The following ARHGAP22 variants were observed in gnomAD, a reference collection of about 807,000 sequenced individuals.
The protein encoded by ARHGAP22 is rho GTPase-activating protein 22.
ARHGAP22 carries 48 observed loss-of-function variants against 59.1 expected under a neutral mutation model. The observed-to-expected ratio is 0.81, with a 90% CI of 0.64 to 1.03. The LOEUF (loss-of-function observed/expected upper bound fraction) is 1.03. Ranked by LOEUF, ARHGAP22 falls within the 50% of genes least tolerant of loss-of-function variation. ARHGAP22 has a pLI of 0.00. For missense variants in ARHGAP22, 1,015 were observed against 958.7 expected (o/e 1.06, Z -0.78); for synonymous variants, 445 against 416.4 (o/e 1.07, Z -0.84).
intron 1 of ARHGAP22, among the ~76,000 whole-genome samples, chr10:48,636,137 G>A (rs371003409): frequency 7.9e-5 from 12 of 152,350 alleles, no homozygotes; most frequent in Non-Finnish European, 1.5e-4. Context: ...CCAGGTGCAG[G>A]TGAACATCCT....
intron 3 of ARHGAP22, among the ~76,000 whole-genome samples, chr10:48,546,936 C>T (rs1207080671): frequency 6.6e-6 from 1 of 152,194 alleles, no homozygotes; most frequent in African/African-American, 2.4e-5. Context: ...TGGCAATATT[C>T]TCACCCCCAG....
chr10:48,618,364 T>C (rs563901010), intron 1 of ARHGAP22, among the ~76,000 whole-genome samples: 1 of 152,074 alleles, frequency 6.6e-6, no homozygotes, highest in Non-Finnish European at 1.5e-5. Flanking sequence ...TATACCCTGA[T>C]GCCCAAACCA....
At position 48,464,693 on chromosome 10, in the gene ARHGAP22, C is replaced by G. The variant is rs559164357; in HGVS notation, c.452-4802G>C. Among the ~76,000 whole-genome samples, 18 of 152,334 alleles carry G rather than the reference C, an allele frequency of 1.2e-4. No individual in the cohort carries two copies. In the South Asian group the frequency reaches 3.5e-3, roughly 30 times the overall value. On this transcript the variant is annotated intron_variant, in intron 4 of 9. Coordinates refer to ENST00000249601, the MANE Select transcript of ARHGAP22 (RefSeq NM_021226.4). ...CAAAGATTCTGGGTCTGCACCAGCA[C>G]TGGTCTGGTGGACGTCCTGGCTAAC... is the stretch of plus-strand genomic sequence containing the variant.
intron 1 of ARHGAP22, among the ~76,000 whole-genome samples, chr10:48,640,474 C>T (rs182199048): frequency 6.6e-6 from 1 of 152,062 alleles, no homozygotes; most frequent in Admixed American, 6.5e-5. Flanking sequence ...CTTGAAGTAG[C>T]AAAAGAAAAA....
At chr10:48,495,936 C>T (rs1184639155) in intron 3 of ARHGAP22, among the ~76,000 whole-genome samples, 1 of 152,056 alleles carries the variant, frequency 6.6e-6, no homozygotes, top group East Asian at 1.9e-4. Context: ...GTCCAGCAGC[C>T]CTCAAGGGAC....
At chr10:48,492,403 G>A (rs2050490462) in intron 3 of ARHGAP22, among the ~76,000 whole-genome samples, 1 of 152,212 alleles carries the variant, frequency 6.6e-6, no homozygotes, top group South Asian at 2.1e-4. Flanking sequence ...CAGGGGTGAA[G>A]GCCAAGTGTC....
At chr10:48,510,475 CT>C (rs1367682284) in intron 3 of ARHGAP22, 27 of 152,092 alleles carry the variant, frequency 1.8e-4, no homozygotes, top group African/African-American at 6.3e-4. Context: ...GACCCCACCC[CT>C]GGCACATTCT....
chr10:48,613,293 T>A (rs78794897), intron 1 of ARHGAP22, among the ~76,000 whole-genome samples: 2,651 of 152,326 alleles, frequency 0.017, 54 homozygotes, highest in South Asian at 0.074. Flanking sequence ...TGGAGGTCAC[T>A]GATGAGCATC....
chr10:48,584,524 A>T (rs896583666), intron 1 of ARHGAP22, among the ~76,000 whole-genome samples: 5 of 151,954 alleles, frequency 3.3e-5, no homozygotes, highest in Non-Finnish European at 7.4e-5. Context: ...TCTTTCTGCC[A>T]CTCTGGACTG....
intron 1 of ARHGAP22, among the ~76,000 whole-genome samples, chr10:48,604,542 A>C (rs1191731741): frequency 6.6e-6 from 1 of 152,244 alleles, no homozygotes; most frequent in Admixed American, 6.5e-5. Flanking sequence ...TGGGGCACTA[A>C]GCCGGCCACC....
At chr10:48,478,515 G>A (rs2048957645) in intron 4 of ARHGAP22, among the ~76,000 whole-genome samples, 1 of 152,204 alleles carries the variant, frequency 6.6e-6, no homozygotes, top group Admixed American at 6.5e-5. Flanking sequence ...GTGAGTCCCT[G>A]CCCAGACTGT....
chr10:48,605,868 A>G (rs1208796926), upstream of ARHGAP22, among the ~76,000 whole-genome samples: 2 of 152,120 alleles, frequency 1.3e-5, no homozygotes, highest in Non-Finnish European at 2.9e-5. Context: ...GCCCAAAGTC[A>G]TACAGTACCG....
rs34557935 is a variant in ARHGAP22 at position 48,577,801 on chromosome 10, G to GTT, written c.234+5150_234+5151dup. Among the ~76,000 whole-genome samples, 107 of 59,172 alleles carry GTT rather than the reference G, an allele frequency of 1.8e-3. 8 individuals are homozygous for GTT. Among genetic ancestry groups the GTT allele is most frequent in the Non-Finnish European group, 2.2e-3 (76 of 34,252 alleles). The allele number at this position is 59,172 out of a possible 152,430, so 38.8% of individuals were successfully genotyped here. ...TCTGAGATCTAACTGCTCTTTTTTG[G>GTT]TTTTTTTTTTTTTTTTTTTTTTTTT... On this transcript the variant is annotated intron_variant, in intron 2 of 9. Transcript: ENST00000249601.
chr10:48,446,913 G>T (rs2045410405), intron 9 of ARHGAP22, among the ~76,000 whole-genome samples: 1 of 152,182 alleles, frequency 6.6e-6, no homozygotes, highest in Non-Finnish European at 1.5e-5. Context: ...GTGCAGTATG[G>T]GATCCCTGCC....
intron 3 of ARHGAP22, among the ~76,000 whole-genome samples, chr10:48,508,234 T>C (rs887582711): frequency 3.3e-5 from 5 of 152,214 alleles, no homozygotes; most frequent in Admixed American, 2.6e-4. Context: ...CCATCAAAGG[T>C]CACTTTTCCT....
intron 2 of ARHGAP22, among the ~76,000 whole-genome samples, chr10:48,558,870 C>T (rs1240237550): frequency 1.3e-5 from 2 of 152,216 alleles, no homozygotes; most frequent in Non-Finnish European, 2.9e-5. Context: ...ACACCTTTTA[C>T]ATGAGCTCAC....
chr10:48,459,920 CT>C, intron 4 of ARHGAP22, 29 bp from the exon 5 acceptor site: 1 of 1,600,584 alleles, frequency 6.2e-7, no homozygotes, highest in Non-Finnish European at 8.5e-7. Flanking sequence ...TAGTCACACC[CT>C]CCACCACCCA....
Position 48,583,661 on chromosome 10 carries a change from G to T in ARHGAP22, c.35-509C>A, listed in dbSNP as rs571587946. ...GGATCCTCCTGGAGCTCACAGTCTA[G>T]CAGGGTTCCTGTTGCTCAGGTCCAG... On this transcript the variant is annotated intron_variant, in intron 1 of 9. Transcript: ENST00000249601. Among the ~76,000 whole-genome samples the T allele has an allele frequency of 1.7e-3, 266 of 152,330 alleles. 1 individual carries two copies. Among genetic ancestry groups the T allele is most frequent in the African/African-American group, 6.2e-3 (258 of 41,562 alleles).
At chr10:48,562,225 C>CAAA (rs372671006) in intron 2 of ARHGAP22, among the ~76,000 whole-genome samples, 3,188 of 138,488 alleles carry the variant, frequency 0.023, 111 homozygotes, top group African/African-American at 0.08. Context: ...GACTCCATCT[C>CAAA]AAAAAAAAAA....
Sources: allele counts gnomAD v4.1 joint callset (sites outside exome capture counted in the v4.1 genomes callset), GRCh38; gene constraint gnomAD v4.1.1; transcripts MANE v1.5; gene names NCBI Gene and HGNC (gene_info 2026-07-23, HGNC 2026-07-21).